The following RNPEPL1 variants were observed in gnomAD, a reference collection of about 807,000 sequenced individuals.
The protein encoded by RNPEPL1 is arginyl aminopeptidase like 1.
Under a neutral mutation model 69.0 loss-of-function variants are expected in RNPEPL1, and 46 were observed. The ratio of observed to expected loss-of-function variants is 0.67; its 90% CI spans 0.53 to 0.85. The LOEUF is 0.85. Ranked by LOEUF, RNPEPL1 falls within the 40% of genes least tolerant of loss-of-function variation. RNPEPL1 has a pLI of 0.00. For missense variants in RNPEPL1, 869 were observed against 992.5 expected (o/e 0.88, Z 1.67); for synonymous variants, 525 against 454.1 (o/e 1.16, Z -1.98).
At chr2:240,575,801 C>A (rs1368166268) in intron 8 of RNPEPL1, 191 bp downstream of exon 8, 2 of 589,184 alleles carry the variant, frequency 3.4e-6, no homozygotes. Flanking sequence ...GGTTGGGGGC[C>A]TCCCTGGGGC....
In RNPEPL1 at chr2:240,578,018, G is replaced by C. The variant is rs2093042840; in HGVS notation, c.*126G>C. On this transcript the variant is annotated 3_prime_UTR_variant, in exon 11 of 11. Transcript: ENST00000270357. Reference sequence around the variant, plus strand: ...GCCCAGGCCCACAAGCCCCTCCCCTGGGCTCTCCCAGGCAGGGAGAATGGG... The same window carrying C: ...GCCCAGGCCCACAAGCCCCTCCCCTCGGCTCTCCCAGGCAGGGAGAATGGG... 2 of 984,098 alleles carry C rather than the reference G, an allele frequency of 2.0e-6. No homozygotes were observed. The highest frequency in any genetic ancestry group is 2.9e-5 in the East Asian group (1 of 34,752). The allele number at this position is 984,098 out of a possible 1,614,324, so 61.0% of individuals were successfully genotyped here.
chr2:240,572,633 C>G, intron 2 of RNPEPL1, 70 bp downstream of exon 2: 1 of 1,513,610 alleles, frequency 6.6e-7, no homozygotes, highest in Non-Finnish European at 8.8e-7. Context: ...CCGCCTCCCC[C>G]TTGCTCCTAC....
In RNPEPL1 at chr2:240,577,906, C is replaced by A. The variant is rs1432094278; in HGVS notation, c.*14C>A. 1 of 1,475,396 alleles carries A rather than the reference C, an allele frequency of 6.8e-7. No individual in the cohort carries two copies. Among genetic ancestry groups the A allele is most frequent in the South Asian group, 1.4e-5 (1 of 71,134 alleles). 91.4% of individuals were successfully genotyped at this position (1,475,396 alleles called of 1,614,324 possible). A position where few individuals can be genotyped will look rare whatever the true frequency, so the allele number is the denominator to read the frequency against. On this transcript the variant is annotated 3_prime_UTR_variant, in exon 11 of 11. Transcript: ENST00000270357. ...GTGTCTGCCTAGCCCTGTTGGCGGG[C>A]TGACCCTCGACCTCCCAGACACCAC...
In RNPEPL1 at chr2:240,570,591, G is replaced by A. The variant is rs1438719600; in HGVS notation, c.528+1477G>A. ...GTCCCTGTGCCAGGGAGGATGCAGC[G>A]GAAGCTCCCTGGGAGGCCCTGCCAG... On this transcript the variant is annotated intron_variant, in intron 1 of 10. Coordinates refer to ENST00000270357, the MANE Select transcript of RNPEPL1 (RefSeq NM_018226.6). Among the ~76,000 whole-genome samples the A allele has an allele frequency of 2.6e-5, 4 of 152,300 alleles. No individual in the cohort carries two copies. The East Asian group carries it at 5.8e-4, about 22-fold the overall frequency.
intron 1 of RNPEPL1, among the ~76,000 whole-genome samples, 200 bp from the exon 2 acceptor site, chr2:240,572,223 G>T (rs1378266460): frequency 6.6e-6 from 1 of 152,224 alleles, no homozygotes; most frequent in Non-Finnish European, 1.5e-5. Context: ...GCCACACCCT[G>T]GGTCACCTGC....
chr2:240,571,154 G>A (rs1280525066), intron 1 of RNPEPL1, among the ~76,000 whole-genome samples: 5 of 152,148 alleles, frequency 3.3e-5, no homozygotes, highest in Admixed American at 6.5e-5. Flanking sequence ...TGAACACCCT[G>A]GCAGCCCAGG....
intron 1 of RNPEPL1, among the ~76,000 whole-genome samples, chr2:240,570,465 G>A (rs915822776): frequency 2.6e-5 from 4 of 152,208 alleles, no homozygotes; most frequent in African/African-American, 9.6e-5. Context: ...CTAACCTCAG[G>A]CATGCACCTT....
In RNPEPL1 at chr2:240,573,768, G is replaced by A. The variant is rs931787102; in HGVS notation, c.822-7G>A. The A allele has an allele frequency of 5.2e-6, 8 of 1,528,834 alleles. No individual in the cohort carries two copies. In the African/African-American group the frequency reaches 1.1e-4, roughly 21 times the overall value. 94.7% of individuals were successfully genotyped at this position (1,528,834 alleles called of 1,614,324 possible). A position where few individuals can be genotyped will look rare whatever the true frequency, so the allele number is the denominator to read the frequency against. On this transcript the variant is annotated splice_polypyrimidine_tract_variant and splice_region_variant and intron_variant, in intron 3 of 10. Coordinates refer to ENST00000270357, the MANE Select transcript of RNPEPL1 (RefSeq NM_018226.6). ...CGGCCTCAGCTCACCCTCTCTGCAT[G>A]CACCAGGAGCCGCGTGTGGGCCGAG... is the stretch of plus-strand genomic sequence containing the variant.
At chr2:240,572,293 G>T in intron 1 of RNPEPL1, 130 bp from the exon 2 acceptor site, 1 of 1,146,038 alleles carries the variant, frequency 8.7e-7, no homozygotes, top group Non-Finnish European at 1.2e-6. Context: ...ATTGGCCCTC[G>T]AACCCAGCAA....
chr2:240,572,839 A>G (rs2093025801), intron 2 of RNPEPL1, among the ~76,000 whole-genome samples: 1 of 152,232 alleles, frequency 6.6e-6, no homozygotes, highest in Admixed American at 6.5e-5. Context: ...GGGTCTCCCG[A>G]CAGAGCTGCT....
rs762910166 is a variant in RNPEPL1, at chr2:240,568,908, G to T, written c.322G>T (p.Ala108Ser). ...AETPCAFAFS[A>S]PGPGPAPPPP... ...GACGCCCTGCGCCTTCGCCTTCTCC[G>T]CCCCCGGGCCGGGGCCCGCGCCGCC... Residue 108 changes from alanine (A) to serine (S), a missense_variant, in exon 1 of 11, where the codon GCC becomes TCC. Ala to Ser is a moderately conservative substitution (Grantham distance 99, BLOSUM62 1). This residue lies in a region of RNPEPL1 where 259 missense variants were observed against 201.5 expected (regional missense o/e 1.29). Coordinates refer to ENST00000270357, the MANE Select transcript of RNPEPL1 (RefSeq NM_018226.6). This position sits in a 1 kb window ranked among gnomAD's most constrained non-coding sequence, Gnocchi z 6.2. 7 of 1,271,464 alleles carry T rather than the reference G, an allele frequency of 5.5e-6. No homozygotes were observed. In the East Asian group the frequency reaches 2.0e-4, roughly 36 times the overall value. The allele number at this position is 1,271,464 out of a possible 1,614,324, so 78.8% of individuals were successfully genotyped here.
rs2975769 is a variant in RNPEPL1 at position 240,572,632 on chromosome 2, C to T, written c.669+69C>T. Reference sequence around the variant, plus strand: ...CAGTGGCCTGGCCACGCCGCCTCCCCCTTGCTCCTACCTGCCTGGGCTGTG... The same window carrying T: ...CAGTGGCCTGGCCACGCCGCCTCCCTCTTGCTCCTACCTGCCTGGGCTGTG... On this transcript the variant is annotated intron_variant, in intron 2 of 10. Coordinates refer to ENST00000270357, the MANE Select transcript of RNPEPL1 (RefSeq NM_018226.6). 1.2e-4 allele frequency: 178 copies of T among 1,519,070 alleles called. 2 individuals carry two copies. In the South Asian group the frequency reaches 2.1e-3, roughly 18 times the overall value. The allele number at this position is 1,519,070 out of a possible 1,614,324, so 94.1% of individuals were successfully genotyped here. A position where few individuals can be genotyped will look rare whatever the true frequency, so the allele number is the denominator to read the frequency against.
At chr2:240,574,727 T>C in intron 6 of RNPEPL1, 99 bp downstream of exon 6, 1 of 1,094,440 alleles carries the variant, frequency 9.1e-7, no homozygotes, top group African/African-American at 1.6e-5. Context: ...TTCTCTGTCC[T>C]GCACTGTGCC....
At chr2:240,576,218 G>A (rs538955769) in intron 8 of RNPEPL1, 259 of 438,302 alleles carry the variant, frequency 5.9e-4, no homozygotes, top group Non-Finnish European at 9.3e-4. Context: ...GGTTCATGGC[G>A]CAGGTGGCCT....
At chr2:240,576,421 TG>T (rs1467167168) in intron 8 of RNPEPL1, 113 bp from the exon 9 acceptor site, 2 of 1,022,220 alleles carry the variant, frequency 2.0e-6, no homozygotes, top group South Asian at 1.6e-5. Context: ...CCCACGTCCC[TG>T]GAACAGGCCA....
chr2:240,568,906 C>G lies in RNPEPL1; in HGVS notation c.320C>G (p.Ser107Cys), dbSNP rs946218997. The change falls in exon 1 of 11, where the codon TCC (serine) becomes TGC (cysteine). Residue 107 changes from serine to cysteine, a missense_variant. By Grantham distance (112) the Ser-to-Cys change is moderately radical. Transcript: ENST00000270357. This position sits in a 1 kb window ranked among gnomAD's most constrained non-coding sequence, Gnocchi z 6.2. ...AAETPCAFAF[S>C]APGPGPAPPP... is the part of the protein sequence containing the mutation. ...GAGACGCCCTGCGCCTTCGCCTTCT[C>G]CGCCCCCGGGCCGGGGCCCGCGCCG... 3.1e-6 allele frequency: 4 copies of G among 1,278,450 alleles called. No individual in the cohort carries two copies. The East Asian group carries it at 1.3e-4, about 42-fold the overall frequency. 79.2% of individuals were successfully genotyped at this position (1,278,450 alleles called of 1,614,324 possible). A position where few individuals can be genotyped will look rare whatever the true frequency, so the allele number is the denominator to read the frequency against.
At chr2:240,573,501 C>T (rs1185797822) in intron 3 of RNPEPL1, among the ~76,000 whole-genome samples, 2 of 152,228 alleles carry the variant, frequency 1.3e-5, no homozygotes, top group Admixed American at 1.3e-4. Flanking sequence ...CCTGCCAAGG[C>T]CCCCGCACAG....
At position 240,574,146 on chromosome 2, in the gene RNPEPL1, C is replaced by T. The variant is rs542168797; in HGVS notation, c.972C>T (p.Pro324=). The T allele has an allele frequency of 6.2e-7, 1 of 1,613,390 alleles. No individual in the cohort carries two copies. Among genetic ancestry groups the T allele is most frequent in the African/African-American group, 1.3e-5 (1 of 75,030 alleles). Residue 324 remains proline (P), a synonymous_variant, in exon 5 of 11, where the codon CCC becomes CCT. Transcript: ENST00000270357. ...TTGTCTTCCTGCCACCCTCCTTCCCCATCGTGGCCATGGAGAACCCCTGCC... is the reference window on the plus strand; with the variant it reads ...TTGTCTTCCTGCCACCCTCCTTCCCTATCGTGGCCATGGAGAACCCCTGCC... ...YDIVFLPPSF[P]IVAMENPCLT... is the part of the protein sequence containing the mutation.
intron 10 of RNPEPL1, among the ~76,000 whole-genome samples, chr2:240,577,299 TC>T (rs2093040572): frequency 6.6e-6 from 1 of 152,130 alleles, no homozygotes; most frequent in African/African-American, 2.4e-5. Context: ...AGAGGGGACG[TC>T]CCAGCTCCTC....
Sources: gnomAD v4.1 joint callset for allele counts (sites outside exome capture counted in the v4.1 genomes callset) on GRCh38, gnomAD v4.1.1 for gene constraint, gnomAD v4.1.1 regional missense constraint, Gnocchi (gnomAD v3.1) non-coding constraint, MANE v1.5 for transcripts, NCBI Gene and HGNC (gene_info 2026-07-23, HGNC 2026-07-21) for gene names.